Variants in HMGA2 observed in about 807,000 individuals in gnomAD.
HMGA2 encodes high mobility group AT-hook 2.
HMGA2 carries 8 observed loss-of-function variants against 19.1 expected under a neutral mutation model. That is an observed-to-expected ratio of 0.42 (90% CI 0.25 to 0.76). The LOEUF (loss-of-function observed/expected upper bound fraction) is 0.76. Among genes scored for constraint, HMGA2 ranks in the 30% least tolerant of loss-of-function variants. The pLI, the probability that HMGA2 is intolerant of heterozygous loss-of-function variation, is 0.28. For synonymous variants in HMGA2, 60 were observed against 48.8 expected (o/e 1.23, Z -0.96); for missense variants, 109 against 136.3 (o/e 0.80, Z 1.00).
intron 4 of HMGA2, chr12:65,957,746 G>T (rs1318641574): frequency 6.6e-6 from 1 of 152,116 alleles, no homozygotes; most frequent in African/African-American, 2.4e-5. Context: ...GAAATTCATT[G>T]TATCCCAGAG....
chr12:65,862,276 TACACAC>T (rs34442419), intron 3 of HMGA2, among the ~76,000 whole-genome samples: 5 of 144,650 alleles, frequency 3.5e-5, no homozygotes, highest in African/African-American at 1.0e-4. Context: ...AAATGCACCA[TACACAC>T]ACACACACAC....
intron 3 of HMGA2, among the ~76,000 whole-genome samples, chr12:65,865,237 G>C (rs1283791038): frequency 6.6e-6 from 1 of 152,122 alleles, no homozygotes; most frequent in Non-Finnish European, 1.5e-5. Flanking sequence ...TCAACAGTAG[G>C]CTATTAGCAG....
At chr12:65,921,796 T>C (rs1048442078) in intron 3 of HMGA2, among the ~76,000 whole-genome samples, 10 of 152,186 alleles carry the variant, frequency 6.6e-5, no homozygotes, top group African/African-American at 2.4e-4. Context: ...AAAGTGGTTT[T>C]GTGGGCCAGG....
rs71096056 is a variant in HMGA2, at chr12:65,875,589, A to ATTTTTTTTTTTTTTTTTTT, written c.249+37043_249+37061dup. Among the ~76,000 whole-genome samples the ATTTTTTTTTTTTTTTTTTT allele has an allele frequency of 8.4e-4, 22 of 26,112 alleles. 9 individuals are homozygous for ATTTTTTTTTTTTTTTTTTT. The highest frequency in any genetic ancestry group is 2.0e-3 in the East Asian group (2 of 1,000). The allele number at this position is 26,112 out of a possible 152,430, so 17.1% of individuals were successfully genotyped here. On this transcript the variant is annotated intron_variant, in intron 3 of 4. Coordinates refer to ENST00000403681, the MANE Select transcript of HMGA2 (RefSeq NM_003483.6). ...CGGGCATATGCCACCGTGCCCGGCTATTTTTTTTTTTTTTTTTTTTTTTTT... is the reference window on the plus strand; with the variant it reads ...CGGGCATATGCCACCGTGCCCGGCTATTTTTTTTTTTTTTTTTTTTTTTTTTTTTTTTTTTTTTTTTTTT...
chr12:65,871,675 G>A (rs1415840886), intron 3 of HMGA2, among the ~76,000 whole-genome samples: 1 of 152,152 alleles, frequency 6.6e-6, no homozygotes, highest in Non-Finnish European at 1.5e-5. Flanking sequence ...CTAGGTGAGA[G>A]AACTACATTC....
intron 3 of HMGA2, among the ~76,000 whole-genome samples, chr12:65,920,485 G>A (rs148749720): frequency 1.3e-5 from 2 of 152,302 alleles, no homozygotes; most frequent in East Asian, 3.9e-4. Flanking sequence ...TGGTTTGCCT[G>A]TGTCCCCACC....
At chr12:65,941,704 A>T (rs1395359002) in intron 3 of HMGA2, among the ~76,000 whole-genome samples, 1 of 152,222 alleles carries the variant, frequency 6.6e-6, no homozygotes, top group African/African-American at 2.4e-5. Flanking sequence ...TTCAGTTTCC[A>T]TGTGTAACTG....
At chr12:65,905,651 T>C (rs1196638578) in intron 3 of HMGA2, among the ~76,000 whole-genome samples, 1 of 152,238 alleles carries the variant, frequency 6.6e-6, no homozygotes, top group Admixed American at 6.5e-5. Context: ...GCCCTGTATA[T>C]GCACAGTACT....
Position 65,838,516 on chromosome 12 carries a change from C to T in HMGA2, c.199-3C>T. The T allele has an allele frequency of 6.2e-7, 1 of 1,609,180 alleles. No individual in the cohort carries two copies. The highest frequency in any genetic ancestry group is 8.5e-7 in the Non-Finnish European group (1 of 1,176,240). On this transcript the variant is annotated splice_region_variant and splice_polypyrimidine_tract_variant and intron_variant, in intron 2 of 4. Coordinates refer to ENST00000403681, the MANE Select transcript of HMGA2 (RefSeq NM_003483.6). The stretch of plus-strand genomic sequence containing the variant: ...CTATAATGACTTCCTTTTTCATTTG[C>T]AGAAAGCAGAAGCCACTGGAGAAAA...
chr12:65,890,619 C>G (rs1424549460), intron 3 of HMGA2, among the ~76,000 whole-genome samples: 1 of 152,138 alleles, frequency 6.6e-6, no homozygotes, highest in Non-Finnish European at 1.5e-5. Flanking sequence ...TCACAACCCC[C>G]ATGCACACGT....
At chr12:65,894,961 A>G (rs779807408) in intron 3 of HMGA2, among the ~76,000 whole-genome samples, 11 of 152,198 alleles carry the variant, frequency 7.2e-5, no homozygotes, top group Non-Finnish European at 1.0e-4. Flanking sequence ...GTATATCCCA[A>G]ATAGCACCCT....
chr12:65,930,612 A>G (rs1002054303), intron 3 of HMGA2, among the ~76,000 whole-genome samples: 26 of 152,314 alleles, frequency 1.7e-4, no homozygotes, highest in African/African-American at 6.3e-4. Flanking sequence ...CCTTGGGATA[A>G]TGAAGCAGGC....
At chr12:65,905,296 G>A (rs374053125) in intron 3 of HMGA2, among the ~76,000 whole-genome samples, 13 of 151,950 alleles carry the variant, frequency 8.6e-5, no homozygotes, top group Admixed American at 6.6e-4. Context: ...TGAAATTGCC[G>A]TTTTTGTAGG....
In HMGA2 at chr12:65,907,487, G is replaced by A. The variant is rs553488847; in HGVS notation, c.250-43896G>A. ...TGCTGAGAGTTCTGGGCCTCTCAGC[G>A]TTTGTGCAAAGTTAGGGGATCACTC... On this transcript the variant is annotated intron_variant, in intron 3 of 4. Transcript: ENST00000403681. 7.7e-4 allele frequency among the ~76,000 whole-genome samples: 116 copies of A among 151,494 alleles called. 1 individual carries two copies. The highest frequency in any genetic ancestry group is 2.4e-3 in the African/African-American group (100 of 41,248).
At chr12:65,860,049 G>T in intron 3 of HMGA2, 1 of 452,804 alleles carries the variant, frequency 2.2e-6, no homozygotes, top group South Asian at 1.6e-5. Flanking sequence ...CCATGACTGT[G>T]CTACTGCACT....
rs56013411 is a variant in HMGA2 at position 65,870,976 on chromosome 12, A to T, written c.249+32407A>T. 2.0e-5 allele frequency among the ~76,000 whole-genome samples: 3 copies of T among 152,224 alleles called. No homozygotes were observed. In the South Asian group the frequency reaches 6.2e-4, roughly 32 times the overall value. On this transcript the variant is annotated intron_variant, in intron 3 of 4. Coordinates refer to ENST00000403681, the MANE Select transcript of HMGA2 (RefSeq NM_003483.6). Reference sequence around the variant, plus strand: ...GTGCATACATGCTTAAGGAGATTGGATGTTACAGGAAATGGGAAGCTATTA... The same window carrying T: ...GTGCATACATGCTTAAGGAGATTGGTTGTTACAGGAAATGGGAAGCTATTA...
At chr12:65,831,698 T>A (rs1870486006) in intron 2 of HMGA2, among the ~76,000 whole-genome samples, 1 of 151,954 alleles carries the variant, frequency 6.6e-6, no homozygotes, top group Admixed American at 6.5e-5. Context: ...TTCATGCTCC[T>A]TCTAATCATT....
At chr12:65,882,114 A>G in intron 3 of HMGA2, 1 of 485,374 alleles carries the variant, frequency 2.1e-6, no homozygotes, top group South Asian at 2.0e-5. Context: ...TGTACTGACA[A>G]AAGCAACCTT....
At chr12:65,941,481 A>G (rs2121292771) in intron 3 of HMGA2, among the ~76,000 whole-genome samples, 1 of 152,338 alleles carries the variant, frequency 6.6e-6, no homozygotes, top group East Asian at 1.9e-4. Context: ...CAAGAAAAAC[A>G]ACTCAACTCC....
Sources: gnomAD v4.1 joint callset for allele counts (sites outside exome capture counted in the v4.1 genomes callset) on GRCh38, gnomAD v4.1.1 for gene constraint, MANE v1.5 for transcripts, NCBI Gene and HGNC (gene_info 2026-07-23, HGNC 2026-07-21) for gene names.